WDR33: variants seen among roughly 807,000 people sequenced by gnomAD.
WDR33 encodes WD repeat domain 33.
A neutral mutation model predicts 164.9 loss-of-function variants in WDR33; 47 were observed. The observed-to-expected ratio is 0.29, with a 90% CI of 0.23 to 0.36. WDR33 has a LOEUF of 0.36. Ranked by LOEUF, WDR33 falls within the 10% of genes least tolerant of loss-of-function variation. WDR33 has a pLI of 1.00. For synonymous variants in WDR33, 505 were observed against 589.0 expected (o/e 0.86, Z 2.06); for missense variants, 1,137 against 1,754.1 (o/e 0.65, Z 6.28).
chr2:127,762,610 G>A (rs1212153494), intron 7 of WDR33: 1 of 987,978 alleles, frequency 1.0e-6, no homozygotes, highest in African/African-American at 1.7e-5. Flanking sequence ...GTGGTGTACT[G>A]AAAAACCAAC....
chr2:127,797,394 A>G (rs1373733270), intron 1 of WDR33, among the ~76,000 whole-genome samples: 1 of 152,174 alleles, frequency 6.6e-6, no homozygotes, highest in Non-Finnish European at 1.5e-5. Context: ...TAGGAGGCTG[A>G]GGCAGGAGAA....
In WDR33 at chr2:127,701,218, A is replaced by G. The variant is rs1285530591; in HGVS notation, c.*5105T>C. The G allele has an allele frequency of 1.3e-5, 3 of 232,212 alleles. No homozygotes were observed. The highest frequency in any genetic ancestry group is 2.3e-5 in the African/African-American group (1 of 44,168). 14.4% of individuals were successfully genotyped at this position (232,212 alleles called of 1,614,324 possible). On this transcript the variant is annotated 3_prime_UTR_variant, in exon 22 of 22. Coordinates refer to ENST00000322313, the MANE Select transcript of WDR33 (RefSeq NM_018383.5). Reference sequence around the variant, plus strand: ...GGGTCACTTCTTGTGCCCCTTTAGAACCACACCCACCCCTGCCTTCCAACT... The same window carrying G: ...GGGTCACTTCTTGTGCCCCTTTAGAGCCACACCCACCCCTGCCTTCCAACT...
intron 7 of WDR33, among the ~76,000 whole-genome samples, chr2:127,759,588 G>A (rs184437703): frequency 2.6e-4 from 39 of 152,270 alleles, no homozygotes; most frequent in Non-Finnish European, 5.0e-4. Context: ...TTACTCAGGA[G>A]GCTGAGGCAG....
intron 7 of WDR33, chr2:127,737,541 T>C: frequency 2.2e-5 from 22 of 986,608 alleles, no homozygotes; most frequent in Non-Finnish European, 2.6e-5. Context: ...AAAAGATTGA[T>C]GGGAGTCTGG....
At chr2:127,755,005 A>T (rs1687480129) in intron 7 of WDR33, among the ~76,000 whole-genome samples, 1 of 152,118 alleles carries the variant, frequency 6.6e-6, no homozygotes, top group African/African-American at 2.4e-5. Context: ...ACATCTATTA[A>T]GTATTCTATT....
chr2:127,744,261 GAAAATTTACGT>G (rs995281570), intron 7 of WDR33, among the ~76,000 whole-genome samples: 18 of 152,106 alleles, frequency 1.2e-4, no homozygotes, highest in African/African-American at 4.3e-4. Flanking sequence ...TAACCTAATG[GAAAATTTACGT>G]AAGTAACACA....
At position 127,725,185 on chromosome 2, in the gene WDR33, C is replaced by T; in HGVS notation, c.882G>A (p.Val294=). ...LHAHKNTVME[V]KLNLNGNWLL... ...GCCAATTGCCATTGAGGTTTAATTT[C>T]ACTTCCATTACTGTGTTTTTATGGG... Residue 294 remains valine, a synonymous_variant, in exon 9 of 22, where the codon GTG becomes GTA. Coordinates refer to ENST00000322313, the MANE Select transcript of WDR33 (RefSeq NM_018383.5). 6.2e-7 allele frequency: 1 copy of T among 1,612,196 alleles called. No homozygotes were observed. Among genetic ancestry groups the T allele is most frequent in the Non-Finnish European group, 8.5e-7 (1 of 1,179,594 alleles).
chr2:127,784,137 G>A (rs1355354181), intron 1 of WDR33, among the ~76,000 whole-genome samples: 1 of 151,906 alleles, frequency 6.6e-6, no homozygotes, highest in South Asian at 2.1e-4. Flanking sequence ...ATTGAAAACA[G>A]CTGCTTTCTC....
chr2:127,778,702 G>A (rs1483120779), intron 1 of WDR33, among the ~76,000 whole-genome samples: 1 of 152,106 alleles, frequency 6.6e-6, no homozygotes, highest in Non-Finnish European at 1.5e-5. Flanking sequence ...CTTAAATTCT[G>A]AGTAAAGTGA....
chr2:127,702,225 G>A lies in WDR33; in HGVS notation c.*4098C>T, dbSNP rs537438338. The A allele has an allele frequency of 1.7e-6, 2 of 1,198,192 alleles. No individual in the cohort carries two copies. The highest frequency in any genetic ancestry group is 1.0e-6 in the Non-Finnish European group (1 of 960,306). 74.2% of individuals were successfully genotyped at this position (1,198,192 alleles called of 1,614,324 possible). Reference sequence around the variant, plus strand: ...GGAAGTACGCGGAGCCAGCGCCGTCGGAGACCGCGCCGGCCGAGCTGAGGA... The same window carrying A: ...GGAAGTACGCGGAGCCAGCGCCGTCAGAGACCGCGCCGGCCGAGCTGAGGA... On this transcript the variant is annotated 3_prime_UTR_variant, in exon 22 of 22. Coordinates refer to ENST00000322313, the MANE Select transcript of WDR33 (RefSeq NM_018383.5).
rs35345585 is a variant in WDR33 at position 127,783,599 on chromosome 2, CTTTTTTTTT to C, written c.-23-12604_-23-12596del. ...CTTCAGCTATTTTATTTCAGGACTCCTTTTTTTTTTTTTTTTTTTTTTTTTGAGACAGTC... is the reference window on the plus strand; with the variant it reads ...CTTCAGCTATTTTATTTCAGGACTCCTTTTTTTTTTTTTTTTGAGACAGTC... On this transcript the variant is annotated intron_variant, in intron 1 of 21. Transcript: ENST00000322313. 2.3e-3 allele frequency among the ~76,000 whole-genome samples: 196 copies of C among 84,418 alleles called. 2 individuals are homozygous for C. The highest frequency in any genetic ancestry group is 9.0e-3 in the African/African-American group (183 of 20,234). 55.4% of individuals were successfully genotyped at this position (84,418 alleles called of 152,430 possible).
chr2:127,795,914 G>A (rs572265495), intron 1 of WDR33, among the ~76,000 whole-genome samples: 1 of 151,736 alleles, frequency 6.6e-6, no homozygotes, highest in South Asian at 2.1e-4. Context: ...TATTCTAGAT[G>A]AGACTAAAAG....
At chr2:127,767,583 C>T (rs1033850560) in intron 4 of WDR33, among the ~76,000 whole-genome samples, 1 of 151,974 alleles carries the variant, frequency 6.6e-6, no homozygotes, top group Non-Finnish European at 1.5e-5. Context: ...GGCATGGTGG[C>T]AGGCGCCTGT....
intron 3 of WDR33, 126 bp downstream of exon 3, chr2:127,768,807 G>T: frequency 1.7e-6 from 1 of 589,006 alleles, no homozygotes; most frequent in Non-Finnish European, 2.9e-6. Flanking sequence ...TTATCCCTTT[G>T]GGAATATTTT....
chr2:127,719,384 G>A lies in WDR33; in HGVS notation c.2641C>T (p.Pro881Ser). ...GGGTTCTGCTGTCCCTGAGGTCCGG[G>A]GGGTCCTTGCATGCCACCCTGGGGT... is the stretch of plus-strand genomic sequence containing the variant. Reference protein sequence around the residue: ...PPPQGGMQGPPGPQGQQNPAR... With the variant: ...PPPQGGMQGPSGPQGQQNPAR... The change falls in exon 16 of 22, where the codon CCC becomes TCC. Residue 881 changes from proline to serine, a missense_variant. Physicochemically the swap from Pro to Ser is moderately conservative, Grantham distance 74. Transcript: ENST00000322313. The surrounding 1 kb of genome is among the most constrained non-coding windows in gnomAD (Gnocchi z 6.5). The A allele has an allele frequency of 1.3e-6, 2 of 1,522,236 alleles. No individual in the cohort carries two copies. The highest frequency in any genetic ancestry group is 1.8e-6 in the Non-Finnish European group (2 of 1,137,300). The allele number at this position is 1,522,236 out of a possible 1,614,324, so 94.3% of individuals were successfully genotyped here. A position where few individuals can be genotyped will look rare whatever the true frequency, so the allele number is the denominator to read the frequency against.
rs532473341 is a variant in WDR33 at position 127,708,837 on chromosome 2, G to A, written c.3621C>T (p.Asp1207=). 7.4e-6 allele frequency: 12 copies of A among 1,611,086 alleles called. No individual in the cohort carries two copies. The highest frequency in any genetic ancestry group is 4.0e-5 in the African/African-American group (3 of 74,996). ...DTPRPDHPPH[D]GHSPASRERS... ...GTTCTCTGCTGGCTGGGGAATGACC[G>A]TCGTGAGGGGGATGATCAGGGCGGG... is the stretch of plus-strand genomic sequence containing the variant. Residue 1207 remains aspartate, a synonymous_variant, in exon 21 of 22, where the codon GAC becomes GAT. Coordinates refer to ENST00000322313, the MANE Select transcript of WDR33 (RefSeq NM_018383.5). This position sits in a 1 kb window ranked among gnomAD's most constrained non-coding sequence, Gnocchi z 6.7.
intron 7 of WDR33, among the ~76,000 whole-genome samples, chr2:127,731,076 T>C (rs1041684364): frequency 1.1e-4 from 17 of 151,922 alleles, no homozygotes; most frequent in African/African-American, 4.1e-4. Flanking sequence ...GGTGGATTGC[T>C]TGAATCCAGA....
chr2:127,772,365 G>C (rs1688037310), intron 1 of WDR33, among the ~76,000 whole-genome samples: 1 of 152,036 alleles, frequency 6.6e-6, no homozygotes, highest in Non-Finnish European at 1.5e-5. Context: ...TTTGAACCCG[G>C]GAGGGAGAGG....
chr2:127,808,416 C>T (rs986566019), intron 1 of WDR33, among the ~76,000 whole-genome samples: 1 of 152,140 alleles, frequency 6.6e-6, no homozygotes, highest in Non-Finnish European at 1.5e-5. Flanking sequence ...TTTATAAGCA[C>T]ACAAATCATG....
Sources: gnomAD v4.1 joint callset for allele counts (sites outside exome capture counted in the v4.1 genomes callset) on GRCh38, gnomAD v4.1.1 for gene constraint, Gnocchi (gnomAD v3.1) non-coding constraint, MANE v1.5 for transcripts, NCBI Gene and HGNC (gene_info 2026-07-23, HGNC 2026-07-21) for gene names.